NIPA1: variants seen among roughly 807,000 people sequenced by gnomAD.
The protein encoded by NIPA1 is magnesium transporter NIPA1.
In NIPA1, 13 loss-of-function variants were observed where a neutral mutation model predicts 23.9. That is an observed-to-expected ratio of 0.54 (90% CI 0.35 to 0.87). The LOEUF is 0.87. Ranked by LOEUF, NIPA1 falls within the 40% of genes least tolerant of loss-of-function variation. The pLI, the probability that NIPA1 is intolerant of heterozygous loss-of-function variation, is 0.01. For missense variants in NIPA1, 362 were observed against 429.7 expected (o/e 0.84, Z 1.39); for synonymous variants, 234 against 202.9 (o/e 1.15, Z -1.30).
At chr15:22,806,075 C>T (rs1281065109) in intron 1 of NIPA1, among the ~76,000 whole-genome samples, 2 of 152,146 alleles carry the variant, frequency 1.3e-5, no homozygotes, top group Admixed American at 6.5e-5. Context: ...AGGCGCCCGC[C>T]ACCACGCCCA....
intron 1 of NIPA1, among the ~76,000 whole-genome samples, chr15:22,792,790 C>T (rs930956687): frequency 1.8e-4 from 27 of 151,704 alleles, no homozygotes; most frequent in African/African-American, 6.5e-4. Flanking sequence ...CCCGTCTGTA[C>T]TAAAAATACA....
In NIPA1 at chr15:22,826,840, T is replaced by G. The variant is rs1469113314; in HGVS notation, c.*2601T>G. 1 of 152,122 alleles carries G rather than the reference T, an allele frequency of 6.6e-6. No homozygotes were observed. Among genetic ancestry groups the G allele is most frequent in the Non-Finnish European group, 1.5e-5 (1 of 68,016 alleles). 9.4% of individuals were successfully genotyped at this position (152,122 alleles called of 1,614,324 possible). A position where few individuals can be genotyped will look rare whatever the true frequency, so the allele number is the denominator to read the frequency against. On this transcript the variant is annotated 3_prime_UTR_variant, in exon 5 of 5. Coordinates refer to ENST00000337435, the MANE Select transcript of NIPA1 (RefSeq NM_144599.5). ...TTCCAGTGAAACAAAGTTCATATCA[T>G]CCATTGTTTTTCAAGCACGTGACAC...
At chr15:22,812,274 T>C in intron 3 of NIPA1, 21 bp downstream of exon 3, 1 of 1,512,532 alleles carries the variant, frequency 6.6e-7, no homozygotes, top group Non-Finnish European at 9.2e-7. Context: ...AGATTGTGTT[T>C]GGTATTTAAT....
rs151190933 is a variant in NIPA1, at chr15:22,795,662, G to A, written c.178+8828G>A. Reference sequence around the variant, plus strand: ...AAGCCTCCTAAGGACCACGGTGGAAGCTTGGTGGATCCTTGTAGTGCTGCT... The same window carrying A: ...AAGCCTCCTAAGGACCACGGTGGAAACTTGGTGGATCCTTGTAGTGCTGCT... On this transcript the variant is annotated intron_variant, in intron 1 of 4. Coordinates refer to ENST00000337435, the MANE Select transcript of NIPA1 (RefSeq NM_144599.5). 1.8e-4 allele frequency among the ~76,000 whole-genome samples: 27 copies of A among 152,320 alleles called. No homozygotes were observed. In the East Asian group the frequency reaches 4.6e-3, roughly 26 times the overall value.
At chr15:22,803,503 CTTTTTTTTTTT>C (rs35223839) in intron 1 of NIPA1, among the ~76,000 whole-genome samples, 2 of 69,362 alleles carry the variant, frequency 2.9e-5, no homozygotes, top group South Asian at 6.5e-4. Context: ...TTAAAAGTGC[CTTTTTTTTTTT>C]TTTTTTTTTT....
chr15:22,812,022 A>G (rs1200401727), intron 2 of NIPA1, 141 bp from the exon 3 acceptor site: 12 of 717,054 alleles, frequency 1.7e-5, no homozygotes, highest in Non-Finnish European at 2.7e-5. Flanking sequence ...AAATGTGCAG[A>G]TGACACCCCA....
At chr15:22,799,426 C>T (rs1028118697) in intron 1 of NIPA1, among the ~76,000 whole-genome samples, 1 of 152,130 alleles carries the variant, frequency 6.6e-6, no homozygotes, top group Non-Finnish European at 1.5e-5. Context: ...GGGCAGATCA[C>T]TTCAGCCCAG....
chr15:22,806,796 AAAG>A (rs1206643577), intron 1 of NIPA1, among the ~76,000 whole-genome samples: 2 of 152,154 alleles, frequency 1.3e-5, no homozygotes, highest in Non-Finnish European at 2.9e-5. Context: ...GCTCCTGGCA[AAAG>A]AAGGAGGAGG....
Position 22,826,434 on chromosome 15 carries a change from GTATCAA to G in NIPA1, c.*2199_*2204del, listed in dbSNP as rs1336302396. 6.6e-6 allele frequency: 1 copy of G among 152,160 alleles called. No individual in the cohort carries two copies. Among genetic ancestry groups the G allele is most frequent in the African/African-American group, 2.4e-5 (1 of 41,430 alleles). The allele number at this position is 152,160 out of a possible 1,614,324, so 9.4% of individuals were successfully genotyped here. A position where few individuals can be genotyped will look rare whatever the true frequency, so the allele number is the denominator to read the frequency against. On this transcript the variant is annotated 3_prime_UTR_variant, in exon 5 of 5. Coordinates refer to ENST00000337435, the MANE Select transcript of NIPA1 (RefSeq NM_144599.5). ...AACTTTCTGAAAACGTAATGTAGCAGTATCAATATACTTTTGGGCATAAAAATAGTT... is the reference window on the plus strand; with the variant it reads ...AACTTTCTGAAAACGTAATGTAGCAGTATACTTTTGGGCATAAAAATAGTT...
intron 1 of NIPA1, among the ~76,000 whole-genome samples, chr15:22,806,063 A>G (rs1895203431): frequency 6.6e-6 from 1 of 152,098 alleles, no homozygotes; most frequent in Non-Finnish European, 1.5e-5. Flanking sequence ...AGCTGGGACT[A>G]CAGGCGCCCG....
intron 3 of NIPA1, among the ~76,000 whole-genome samples, chr15:22,814,681 G>A (rs530964758): frequency 6.6e-6 from 1 of 152,198 alleles, no homozygotes; most frequent in Non-Finnish European, 1.5e-5. Context: ...ATAGTGTAAT[G>A]TATGATAAAG....
Position 22,792,366 on chromosome 15 carries a change from C to CTT in NIPA1, c.178+5541_178+5542dup, listed in dbSNP as rs59991123. On this transcript the variant is annotated intron_variant, in intron 1 of 4. Coordinates refer to ENST00000337435, the MANE Select transcript of NIPA1 (RefSeq NM_144599.5). ...TTTAGAATTTGTTGGAGGCTTTTTT[C>CTT]TTTTTTTTTTGAGACGGAGTCTCGC... Among the ~76,000 whole-genome samples the CTT allele has an allele frequency of 1.5e-3, 220 of 149,204 alleles. 2 individuals carry two copies. The highest frequency in any genetic ancestry group is 3.9e-3 in the African/African-American group (160 of 40,718).
chr15:22,805,091 C>T (rs541705712), intron 1 of NIPA1, among the ~76,000 whole-genome samples: 3 of 152,256 alleles, frequency 2.0e-5, no homozygotes, highest in Non-Finnish European at 2.9e-5. Flanking sequence ...CCACCTGCCT[C>T]AGCCTCCCAA....
In NIPA1 at chr15:22,826,025, A is replaced by T. The variant is rs1033326883; in HGVS notation, c.*1786A>T. On this transcript the variant is annotated 3_prime_UTR_variant, in exon 5 of 5. Transcript: ENST00000337435. Reference sequence around the variant, plus strand: ...AAGATGGGGTTGGGTAAAGTAGATTAGGTGAAGTAGAACATAAAATTGAAT... The same window carrying T: ...AAGATGGGGTTGGGTAAAGTAGATTTGGTGAAGTAGAACATAAAATTGAAT... 4 of 152,226 alleles carry T rather than the reference A, an allele frequency of 2.6e-5. No individual in the cohort carries two copies. The highest frequency in any genetic ancestry group is 5.9e-5 in the Non-Finnish European group (4 of 68,026). The allele number at this position is 152,226 out of a possible 1,614,324, so 9.4% of individuals were successfully genotyped here.
chr15:22,801,812 G>A (rs1895088965), intron 1 of NIPA1, among the ~76,000 whole-genome samples: 1 of 152,052 alleles, frequency 6.6e-6, no homozygotes, highest in Non-Finnish European at 1.5e-5. Flanking sequence ...ACTGCGCCTG[G>A]CTGTGACTTT....
chr15:22,791,182 A>G (rs544315541), intron 1 of NIPA1, among the ~76,000 whole-genome samples: 2 of 152,198 alleles, frequency 1.3e-5, no homozygotes, highest in East Asian at 3.9e-4. Context: ...TAATGAAGGC[A>G]CTTGATCTCT....
At chr15:22,812,447 T>G (rs772022051) in intron 3 of NIPA1, among the ~76,000 whole-genome samples, 194 bp downstream of exon 3, 1 of 151,496 alleles carries the variant, frequency 6.6e-6, no homozygotes, top group African/African-American at 2.4e-5. Context: ...AGGTCACGAG[T>G]TCAAGACCAG....
At chr15:22,805,284 A>T (rs1750044702) in intron 1 of NIPA1, among the ~76,000 whole-genome samples, 1 of 152,210 alleles carries the variant, frequency 6.6e-6, no homozygotes, top group South Asian at 2.1e-4. Flanking sequence ...TCCATGAGTT[A>T]AGTTGGTGCA....
Position 22,813,162 on chromosome 15 carries a change from G to A in NIPA1, c.317+909G>A, listed in dbSNP as rs140542964. ...TAGGTGGTGGGGTGGGCTGGGGGGC[G>A]GTTTGCATGCTTAGGCCGGGCTGGC... is the stretch of plus-strand genomic sequence containing the variant. On this transcript the variant is annotated intron_variant, in intron 3 of 4. Transcript: ENST00000337435. Among the ~76,000 whole-genome samples, 301 of 152,164 alleles carry A rather than the reference G, an allele frequency of 2.0e-3. 5 individuals carry two copies. In the East Asian group the frequency reaches 0.046, roughly 23 times the overall value.
Sources: gnomAD v4.1 joint callset for allele counts (sites outside exome capture counted in the v4.1 genomes callset) on GRCh38, gnomAD v4.1.1 for gene constraint, MANE v1.5 for transcripts, NCBI Gene and HGNC (gene_info 2026-07-23, HGNC 2026-07-21) for gene names.